MTHFD1: variants seen among roughly 807,000 people sequenced by gnomAD.
The protein encoded by MTHFD1 is C-1-tetrahydrofolate synthase, cytoplasmic.
In MTHFD1, 44 loss-of-function variants were observed where a neutral mutation model predicts 110.3. The observed-to-expected ratio is 0.40, with a 90% CI of 0.31 to 0.51. MTHFD1 has a LOEUF of 0.51. Ranked by LOEUF, MTHFD1 falls within the 20% of genes least tolerant of loss-of-function variation. The pLI, the probability that MTHFD1 is intolerant of heterozygous loss-of-function variation, is 0.60. For missense variants in MTHFD1, 909 were observed against 1,173.1 expected (o/e 0.77, Z 3.29); for synonymous variants, 402 against 428.8 (o/e 0.94, Z 0.77).
chr14:64,437,330 A>G (rs369935986), intron 16 of MTHFD1, among the ~76,000 whole-genome samples: 2 of 152,346 alleles, frequency 1.3e-5, no homozygotes, highest in South Asian at 2.1e-4. Flanking sequence ...GCCATCAGCA[A>G]TGATGTTATT....
intron 1 of MTHFD1, among the ~76,000 whole-genome samples, chr14:64,392,030 G>A (rs1430280435): frequency 6.6e-6 from 1 of 152,202 alleles, no homozygotes; most frequent in Non-Finnish European, 1.5e-5. Flanking sequence ...CTGTGGTATG[G>A]TGGCTGCAAT....
Position 64,442,083 on chromosome 14 carries a change from G to A in MTHFD1, c.1914G>A (p.Pro638=), listed in dbSNP as rs143959060. The change falls in exon 20 of 28, where the codon CCG becomes CCA. Residue 638 remains proline, a synonymous_variant. Coordinates refer to ENST00000652337, the MANE Select transcript of MTHFD1 (RefSeq NM_005956.4). ...EGTPVFVHAG[P]FANIAHGNSS... ...CTCCAGTGTTTGTCCATGCTGGCCC[G>A]TTTGCCAACATCGCACATGGCAATT... 98 of 1,614,130 alleles carry A rather than the reference G, an allele frequency of 6.1e-5. No individual in the cohort carries two copies. In the African/African-American group the frequency reaches 6.3e-4, roughly 10 times the overall value.
At chr14:64,443,075 A>T (rs773795406) in intron 21 of MTHFD1, among the ~76,000 whole-genome samples, 14 of 152,152 alleles carry the variant, frequency 9.2e-5, no homozygotes, top group Non-Finnish European at 1.3e-4. Flanking sequence ...AAAACTATTA[A>T]ATTCCTGTCC....
chr14:64,391,120 C>T (rs2077800752), intron 1 of MTHFD1, among the ~76,000 whole-genome samples: 1 of 152,200 alleles, frequency 6.6e-6, no homozygotes, highest in Non-Finnish European at 1.5e-5. Context: ...GCACTTACTA[C>T]TTGCTAAAAG....
chr14:64,419,562 T>A (rs1459718246), intron 7 of MTHFD1, among the ~76,000 whole-genome samples: 1 of 152,228 alleles, frequency 6.6e-6, no homozygotes, highest in Non-Finnish European at 1.5e-5. Flanking sequence ...AGGTTGACAC[T>A]GATTTCCCTA....
chr14:64,448,424 T>TAACCA, intron 23 of MTHFD1, 107 bp downstream of exon 23: 2 of 904,240 alleles, frequency 2.2e-6, no homozygotes, highest in Non-Finnish European at 1.8e-6. Flanking sequence ...TGCTATTGGT[T>TAACCA]ATAGCCTGTG....
intron 27 of MTHFD1, among the ~76,000 whole-genome samples, chr14:64,459,531 G>A (rs1001370081): frequency 1.3e-5 from 2 of 152,204 alleles, no homozygotes; most frequent in African/African-American, 4.8e-5. Context: ...TGCAGTCATG[G>A]CTCACGGCTT....
intron 27 of MTHFD1, 69 bp downstream of exon 27, chr14:64,458,376 A>G: frequency 1.0e-6 from 1 of 991,300 alleles, no homozygotes; most frequent in Non-Finnish European, 1.6e-6. Flanking sequence ...ATAGGGCTCA[A>G]ACTGACGCTA....
intron 16 of MTHFD1, among the ~76,000 whole-genome samples, chr14:64,437,669 T>C (rs188632319): frequency 4.6e-5 from 7 of 152,328 alleles, no homozygotes; most frequent in Admixed American, 1.3e-4. Flanking sequence ...CAACTGGTTA[T>C]AAACTGGAGG....
At chr14:64,405,395 G>A (rs2077928847) in intron 2 of MTHFD1, among the ~76,000 whole-genome samples, 1 of 152,100 alleles carries the variant, frequency 6.6e-6, no homozygotes, top group East Asian at 1.9e-4. Flanking sequence ...ATAAAACAGT[G>A]GTAGAATCTT....
intron 1 of MTHFD1, among the ~76,000 whole-genome samples, chr14:64,391,719 C>G (rs149150017): frequency 6.6e-6 from 1 of 152,154 alleles, no homozygotes; most frequent in Admixed American, 6.5e-5. Context: ...TTCTCCCTCA[C>G]GGGGAATTCT....
At chr14:64,401,643 C>T (rs534276792) in intron 2 of MTHFD1, among the ~76,000 whole-genome samples, 10 of 146,820 alleles carry the variant, frequency 6.8e-5, no homozygotes, top group Non-Finnish European at 1.2e-4. Context: ...GTGGAGGTTG[C>T]AGTGAGCCAA....
chr14:64,441,964 C>A (rs1008998898), intron 19 of MTHFD1, 90 bp from the exon 20 acceptor site: 1 of 869,434 alleles, frequency 1.2e-6, no homozygotes, highest in Non-Finnish European at 1.9e-6. Context: ...TTCTTCCTTC[C>A]GATTCCAAAT....
At chr14:64,428,057 G>T (rs878990583) in intron 12 of MTHFD1, among the ~76,000 whole-genome samples, 1 of 149,424 alleles carries the variant, frequency 6.7e-6, no homozygotes, top group Non-Finnish European at 1.5e-5. Context: ...TACCATACTC[G>T]CACTTTACCT....
intron 7 of MTHFD1, 87 bp downstream of exon 7, chr14:64,418,111 C>G (rs1200370673): frequency 1.4e-6 from 2 of 1,476,700 alleles, no homozygotes; most frequent in African/African-American, 2.8e-5. Context: ...CTCATGACCT[C>G]ATTTAACCCC....
Position 64,408,461 on chromosome 14 carries a change from G to A in MTHFD1, c.127-2629G>A, listed in dbSNP as rs138948301. ...ACACCATCATGACTGGCTAATATTTGTATTTTTAGTATAGATGGGGTTTCA... is the reference window on the plus strand; with the variant it reads ...ACACCATCATGACTGGCTAATATTTATATTTTTAGTATAGATGGGGTTTCA... On this transcript the variant is annotated intron_variant, in intron 2 of 27. Coordinates refer to ENST00000652337, the MANE Select transcript of MTHFD1 (RefSeq NM_005956.4). Among the ~76,000 whole-genome samples, 993 of 152,100 alleles carry A rather than the reference G, an allele frequency of 6.5e-3. 8 individuals carry two copies. Among genetic ancestry groups the A allele is most frequent in the African/African-American group, 0.022 (903 of 41,512 alleles).
intron 19 of MTHFD1, 172 bp downstream of exon 19, chr14:64,441,625 T>A: frequency 1.6e-6 from 1 of 642,600 alleles, no homozygotes; most frequent in South Asian, 1.6e-5. Context: ...GCTAACATGG[T>A]GAAACCCCGT....
At chr14:64,431,076 C>CTTTTT (rs369540665) in intron 13 of MTHFD1, among the ~76,000 whole-genome samples, 4 of 135,354 alleles carry the variant, frequency 3.0e-5, no homozygotes, top group Admixed American at 7.5e-5. Context: ...TTTTCTTTTT[C>CTTTTT]TTTTTTTTTT....
At chr14:64,409,058 A>C (rs2077961635) in intron 2 of MTHFD1, among the ~76,000 whole-genome samples, 1 of 152,242 alleles carries the variant, frequency 6.6e-6, no homozygotes, top group South Asian at 2.1e-4. Flanking sequence ...TATAACTATT[A>C]AGTTTTCTTT....
Sources: gnomAD v4.1 joint callset for allele counts (sites outside exome capture counted in the v4.1 genomes callset) on GRCh38, gnomAD v4.1.1 for gene constraint, MANE v1.5 for transcripts, NCBI Gene and HGNC (gene_info 2026-07-23, HGNC 2026-07-21) for gene names.